The following PLCE1 variants were observed in gnomAD, a reference collection of about 807,000 sequenced individuals.
The protein encoded by PLCE1 is phospholipase C epsilon 1, also known as 1-phosphatidylinositol 4,5-bisphosphate phosphodiesterase epsilon-1.
A neutral mutation model predicts 242.8 loss-of-function variants in PLCE1; 119 were observed. The ratio of observed to expected loss-of-function variants is 0.49; its 90% CI spans 0.42 to 0.57. The LOEUF is 0.57. Ranked by LOEUF, PLCE1 falls within the 20% of genes least tolerant of loss-of-function variation. PLCE1 has a pLI of 0.00. For synonymous variants in PLCE1, 945 were observed against 1,017.4 expected (o/e 0.93, Z 1.35); for missense variants, 2,441 against 2,788.8 (o/e 0.88, Z 2.81).
intron 14 of PLCE1, among the ~76,000 whole-genome samples, chr10:94,264,243 A>G (rs2051420851): frequency 6.6e-6 from 1 of 152,172 alleles, no homozygotes; most frequent in Non-Finnish European, 1.5e-5. Context: ...GTCAATAACC[A>G]GTTTGATGGT....
intron 29 of PLCE1, 90 bp downstream of exon 29, chr10:94,316,846 C>T: frequency 2.2e-6 from 2 of 906,928 alleles, no homozygotes; most frequent in Middle Eastern, 2.2e-4. Flanking sequence ...TTCAGAATTT[C>T]TTGTAATTGC....
At chr10:93,998,701 T>G (rs982500200) in intron 1 of PLCE1, among the ~76,000 whole-genome samples, 3 of 152,168 alleles carry the variant, frequency 2.0e-5, no homozygotes, top group Non-Finnish European at 2.9e-5. Flanking sequence ...CCTCAAGTCT[T>G]CCCAGTCTGC....
At chr10:94,277,460 G>A (rs1044605921) in intron 19 of PLCE1, among the ~76,000 whole-genome samples, 3 of 152,100 alleles carry the variant, frequency 2.0e-5, no homozygotes, top group African/African-American at 7.2e-5. Flanking sequence ...GCTGTTGGCC[G>A]TTTGTTGGGC....
intron 22 of PLCE1, among the ~76,000 whole-genome samples, chr10:94,285,760 G>A (rs184224004): frequency 2.2e-4 from 34 of 152,292 alleles, no homozygotes; most frequent in Admixed American, 1.6e-3. Flanking sequence ...TCTCCACTCT[G>A]AGCTGGGTAG....
At chr10:94,095,805 T>G (rs2045287175) in intron 2 of PLCE1, among the ~76,000 whole-genome samples, 1 of 152,200 alleles carries the variant, frequency 6.6e-6, no homozygotes, top group Non-Finnish European at 1.5e-5. Context: ...TATACAGCTA[T>G]TAAGGGGTAC....
At chr10:94,033,580 C>G (rs1233811870) in intron 2 of PLCE1, among the ~76,000 whole-genome samples, 1 of 151,896 alleles carries the variant, frequency 6.6e-6, no homozygotes, top group Non-Finnish European at 1.5e-5. Context: ...TAATGAATCA[C>G]TTTTTTTTCC....
chr10:94,269,092 GTCTT>G, intron 17 of PLCE1, 56 bp downstream of exon 17: 1 of 388,780 alleles, frequency 2.6e-6, no homozygotes, highest in Admixed American at 4.0e-5. Context: ...ATCTTCATTT[GTCTT>G]TTTTTTTTTT....
intron 4 of PLCE1, among the ~76,000 whole-genome samples, chr10:94,212,260 T>G (rs1467541502): frequency 6.6e-6 from 1 of 152,054 alleles, no homozygotes; most frequent in Non-Finnish European, 1.5e-5. Context: ...CTAATTTTTG[T>G]GTTTTTCTTT....
chr10:94,192,683 TG>T (rs1264329757), intron 4 of PLCE1, among the ~76,000 whole-genome samples: 1 of 152,194 alleles, frequency 6.6e-6, no homozygotes, highest in Non-Finnish European at 1.5e-5. Context: ...TCTTTTTCTT[TG>T]GGTATATACC....
chr10:94,017,610 A>G (rs950922191), intron 1 of PLCE1, among the ~76,000 whole-genome samples: 5 of 152,202 alleles, frequency 3.3e-5, no homozygotes, highest in South Asian at 2.1e-4. Flanking sequence ...AAGGCCTTCA[A>G]TTGGTGTTGG....
At chr10:94,261,398 C>T (rs2051293157) in intron 13 of PLCE1, among the ~76,000 whole-genome samples, 1 of 152,146 alleles carries the variant, frequency 6.6e-6, no homozygotes. Flanking sequence ...TATCCATTCA[C>T]CTACTGAAGT....
At chr10:94,133,617 C>T (rs1263121120) in intron 3 of PLCE1, among the ~76,000 whole-genome samples, 2 of 152,200 alleles carry the variant, frequency 1.3e-5, no homozygotes, top group African/African-American at 4.8e-5. Flanking sequence ...CACACACACC[C>T]CTAGACAGGC....
intron 24 of PLCE1, among the ~76,000 whole-genome samples, chr10:94,301,948 G>A (rs2053053499): frequency 6.6e-6 from 1 of 152,180 alleles, no homozygotes; most frequent in South Asian, 2.1e-4. Context: ...TGTGAATGGT[G>A]TCTACATAAT....
At chr10:94,148,862 A>C (rs1364583791) in intron 3 of PLCE1, among the ~76,000 whole-genome samples, 1 of 152,192 alleles carries the variant, frequency 6.6e-6, no homozygotes, top group Non-Finnish European at 1.5e-5. Flanking sequence ...TAGGACCTCC[A>C]GTGCTTATTC....
intron 4 of PLCE1, among the ~76,000 whole-genome samples, chr10:94,189,964 G>T (rs1020706767): frequency 6.6e-6 from 1 of 152,198 alleles, no homozygotes; most frequent in Non-Finnish European, 1.5e-5. Flanking sequence ...TATAAAAGGG[G>T]ACTAAGAGTA....
At chr10:94,086,568 C>A (rs1203169641) in intron 2 of PLCE1, among the ~76,000 whole-genome samples, 2 of 152,218 alleles carry the variant, frequency 1.3e-5, no homozygotes, top group African/African-American at 4.8e-5. Flanking sequence ...TGTGTTTTCC[C>A]CACTAGGGTG....
In PLCE1 at chr10:94,132,268, G is replaced by T; in HGVS notation, c.1301G>T (p.Gly434Val). 1 of 1,614,012 alleles carries T rather than the reference G, an allele frequency of 6.2e-7. No homozygotes were observed. Among genetic ancestry groups the T allele is most frequent in the South Asian group, 1.1e-5 (1 of 91,062 alleles). Residue 434 changes from glycine (G) to valine (V), a missense_variant, in exon 3 of 33, where the codon GGA (glycine) becomes GTA (valine). Physicochemically the swap from Gly to Val is moderately radical, Grantham distance 109 (BLOSUM62 -3). Transcript: ENST00000371380. ...CTCCCAGCCTCCGAGACAGCCCATG[G>T]AAGGATAAGCGTTGGTCCATGCTTA... ...TKLPASETAH[G>V]RISVGPCLKQ...
chr10:94,096,693 C>T (rs2045327448), intron 2 of PLCE1: 1 of 152,182 alleles, frequency 6.6e-6, no homozygotes, highest in Non-Finnish European at 1.5e-5. Context: ...ATTGTCTCAA[C>T]TGATTGCCCT....
At chr10:94,255,095 C>G in intron 11 of PLCE1, 46 bp downstream of exon 11, 1 of 1,587,508 alleles carries the variant, frequency 6.3e-7, no homozygotes, top group East Asian at 2.2e-5. Context: ...CACATTATTC[C>G]AGTTGTGTGG....
Sources: gnomAD v4.1 joint callset for allele counts (sites outside exome capture counted in the v4.1 genomes callset) on GRCh38, gnomAD v4.1.1 for gene constraint, MANE v1.5 for transcripts, NCBI Gene and HGNC (gene_info 2026-07-23, HGNC 2026-07-21) for gene names.